Variants in TLK1 observed in about 807,000 individuals in gnomAD.
TLK1 encodes serine/threonine-protein kinase tousled-like 1.
Under a neutral mutation model 105.3 loss-of-function variants are expected in TLK1, and 24 were observed. That is an observed-to-expected ratio of 0.23 (90% CI 0.17 to 0.32). The LOEUF is 0.32. Ranked by LOEUF, TLK1 falls within the 10% of genes least tolerant of loss-of-function variation. The probability of loss-of-function intolerance (pLI) is 1.00; values close to 1 mark genes in which losing one functional copy is unlikely to be tolerated. For missense variants in TLK1, 558 were observed against 910.5 expected (o/e 0.61, Z 4.98); for synonymous variants, 321 against 310.4 (o/e 1.03, Z -0.36).
chr2:171,200,264 A>T (rs1226682885), intron 1 of TLK1, among the ~76,000 whole-genome samples: 1 of 152,170 alleles, frequency 6.6e-6, no homozygotes, highest in Non-Finnish European at 1.5e-5. Flanking sequence ...GCTTTGCTTC[A>T]TCCTTCAAGT....
At position 171,203,811 on chromosome 2, in the gene TLK1, A is replaced by G. The variant is rs1035141484; in HGVS notation, c.-6+27334T>C. ...ATGACTGTAATCTCAGCACTTTGGG[A>G]GGCTGTAGCTGGTGGATCACCTGAG... On this transcript the variant is annotated intron_variant, in intron 1 of 20. Coordinates refer to the TLK1 transcript ENST00000521943. Among the ~76,000 whole-genome samples the G allele has an allele frequency of 2.6e-5, 4 of 152,306 alleles. No homozygotes were observed. In the Middle Eastern group the frequency reaches 0.01, roughly 389 times the overall value.
chr2:171,223,308 C>G (rs1052390738), intron 1 of TLK1, among the ~76,000 whole-genome samples: 1 of 152,078 alleles, frequency 6.6e-6, no homozygotes, highest in African/African-American at 2.4e-5. Context: ...TCACCAGCAT[C>G]CATTATTTTT....
chr2:171,015,564 A>C (rs960312596), intron 12 of TLK1, among the ~76,000 whole-genome samples: 2 of 152,060 alleles, frequency 1.3e-5, no homozygotes, highest in Admixed American at 6.6e-5. Flanking sequence ...AATAAATCTT[A>C]AAGAAATTTA....
chr2:171,205,138 G>A (rs966367575), intron 1 of TLK1, among the ~76,000 whole-genome samples: 15 of 151,932 alleles, frequency 9.9e-5, no homozygotes, highest in Admixed American at 2.6e-4. Context: ...GCTTGAGCCC[G>A]GGAGTTAGAG....
chr2:171,089,442 T>C (rs894693752), intron 2 of TLK1, among the ~76,000 whole-genome samples: 5 of 152,238 alleles, frequency 3.3e-5, no homozygotes, highest in African/African-American at 1.2e-4. Flanking sequence ...AAATTGATTT[T>C]TCTATCATGA....
intron 2 of TLK1, among the ~76,000 whole-genome samples, chr2:171,086,257 G>A (rs1688967416): frequency 6.6e-6 from 1 of 151,782 alleles, no homozygotes; most frequent in Admixed American, 6.6e-5. Flanking sequence ...TATAAATCCT[G>A]GAAAAAAAGG....
intron 2 of TLK1, among the ~76,000 whole-genome samples, chr2:171,093,471 G>A (rs143786777): frequency 2.0e-3 from 300 of 152,264 alleles, no homozygotes; most frequent in African/African-American, 6.8e-3. Context: ...CTGAAACAAA[G>A]TGAACTGTAT....
At chr2:171,049,329 G>A (rs1210371736) in intron 10 of TLK1, among the ~76,000 whole-genome samples, 1 of 147,386 alleles carries the variant, frequency 6.8e-6, no homozygotes, top group Non-Finnish European at 1.5e-5. Context: ...CCTCAGAAAC[G>A]CTAAAGCCAC....
At chr2:171,028,952 C>CCTT (rs10694201) in intron 11 of TLK1, among the ~76,000 whole-genome samples, 150,939 of 152,288 alleles carry the variant, frequency 0.99, 74,808 homozygotes, top group East Asian at 1. Flanking sequence ...AGAGAGGTGA[C>CCTT]CATCTAAATA....
chr2:171,137,855 A>T (rs1691395049), intron 1 of TLK1, among the ~76,000 whole-genome samples: 1 of 151,742 alleles, frequency 6.6e-6, no homozygotes, highest in African/African-American at 2.4e-5. Flanking sequence ...TCTCAAAAAA[A>T]AATAAAATAA....
chr2:171,183,648 T>C (rs1575649757), intron 1 of TLK1, among the ~76,000 whole-genome samples: 1 of 152,216 alleles, frequency 6.6e-6, no homozygotes, highest in African/African-American at 2.4e-5. Context: ...TGTCTTTCAT[T>C]GTATGGATGC....
chr2:171,006,586 T>C lies in TLK1; in HGVS notation c.1656A>G (p.Gln552=), dbSNP rs201321112. The change falls in exon 17 of 21, where the codon CAA becomes CAG. Residue 552 remains glutamine, a synonymous_variant. Transcript: ENST00000431350. The stretch of plus-strand genomic sequence containing the variant: ...CTTCTTTCTCTGACATTAACTTGTG[T>C]TGCTTCAGATAGAAATCCAAGTCAT... ...EGNDLDFYLK[Q]HKLMSEKEAR... is the part of the protein sequence containing the mutation. 4.0e-5 allele frequency: 64 copies of C among 1,613,114 alleles called. No individual in the cohort carries two copies. In the East Asian group the frequency reaches 1.4e-3, roughly 35 times the overall value.
intron 1 of TLK1, among the ~76,000 whole-genome samples, chr2:171,132,327 G>A (rs1207391074): frequency 1.3e-5 from 2 of 152,048 alleles, no homozygotes; most frequent in South Asian, 2.1e-4. Flanking sequence ...ACTTCCCACC[G>A]AGTCCCTTCC....
At chr2:171,066,757 G>T (rs1688016527) in intron 3 of TLK1, 1 of 1,368,216 alleles carries the variant, frequency 7.3e-7, no homozygotes, top group Non-Finnish European at 1.0e-6. Flanking sequence ...TCCCTTCTCT[G>T]GCTATCCCTT....
chr2:171,093,913 A>C (rs907918597), intron 2 of TLK1, among the ~76,000 whole-genome samples: 1 of 148,104 alleles, frequency 6.8e-6, no homozygotes, highest in Non-Finnish European at 1.5e-5. Flanking sequence ...CAACACCAGG[A>C]GTAAGAGAAG....
intron 2 of TLK1, among the ~76,000 whole-genome samples, chr2:171,112,092 T>G (rs1276323060): frequency 6.6e-6 from 1 of 152,092 alleles, no homozygotes; most frequent in Admixed American, 6.5e-5. Flanking sequence ...GCTGGGACTA[T>G]AGGCAAACGC....
intron 1 of TLK1, among the ~76,000 whole-genome samples, chr2:171,158,557 C>T (rs935324159): frequency 1.3e-5 from 2 of 152,102 alleles, no homozygotes. Flanking sequence ...CAGTTCACGG[C>T]CTGGCTCACA....
chr2:171,005,502 T>C (rs959044496), intron 18 of TLK1, among the ~76,000 whole-genome samples: 1 of 152,116 alleles, frequency 6.6e-6, no homozygotes, highest in Non-Finnish European at 1.5e-5. Context: ...TCCAAGCACT[T>C]TGGGAGAGGC....
rs532321360 is a variant in TLK1, at chr2:171,208,691, C to T, written c.-6+22454G>A. Among the ~76,000 whole-genome samples, 28 of 152,286 alleles carry T rather than the reference C, an allele frequency of 1.8e-4. 1 individual carries two copies. Among genetic ancestry groups the T allele is most frequent in the Admixed American group, 1.8e-3 (28 of 15,292 alleles). ...GTAACAAAAGTAGAAGCAACTTAAA[C>T]ATTCAAAAATGAGGCATTTGATATT... is the stretch of plus-strand genomic sequence containing the variant. On this transcript the variant is annotated intron_variant, in intron 1 of 20. Transcript: ENST00000521943.
Sources: allele counts gnomAD v4.1 joint callset (sites outside exome capture counted in the v4.1 genomes callset), GRCh38; gene constraint gnomAD v4.1.1; transcripts MANE v1.5; gene names NCBI Gene and HGNC (gene_info 2026-07-23, HGNC 2026-07-21).